ZNF541: variants seen among roughly 807,000 people sequenced by gnomAD.
ZNF541 encodes zinc finger protein 541.
Under a neutral mutation model 123.5 loss-of-function variants are expected in ZNF541, and 23 were observed. The observed-to-expected ratio is 0.19, with a 90% CI of 0.13 to 0.26. The LOEUF is 0.26. Among genes scored for constraint, ZNF541 ranks in the 10% least tolerant of loss-of-function variants. ZNF541 has a pLI of 1.00. For missense variants in ZNF541, 1,612 were observed against 1,789.9 expected (o/e 0.90, Z 1.79); for synonymous variants, 751 against 754.5 (o/e 1.00, Z 0.08).
chr19:47,545,562 G>T lies in ZNF541; in HGVS notation c.967C>A (p.Pro323Thr). The T allele has an allele frequency of 1.3e-6, 2 of 1,540,096 alleles. No homozygotes were observed. The highest frequency in any genetic ancestry group is 1.8e-6 in the Non-Finnish European group (2 of 1,140,170). ...TCCAGCGCTGCTGGGGCCGCGTGGG[G>T]GCCGGCTGGGGTGCAGGACGAGGAC... The part of the protein sequence containing the change: ...SGSSSCTPAG[P>T]HAAPAALDTE... The change falls in exon 5 of 17, where the codon CCC becomes ACC. Residue 323 changes from proline (P) to threonine (T), a missense_variant. Transcript: ENST00000391901. This position sits in a 1 kb window ranked among gnomAD's most constrained non-coding sequence, Gnocchi z 7.5.
intron 2 of ZNF541, among the ~76,000 whole-genome samples, chr19:47,559,836 CA>C (rs1438929520): frequency 1.6e-5 from 2 of 128,138 alleles, no homozygotes; most frequent in African/African-American, 6.1e-5. Context: ...GGTGACAGAG[CA>C]AGACTCTGTC....
intron 3 of ZNF541, among the ~76,000 whole-genome samples, chr19:47,553,593 G>T (rs1340832717): frequency 6.6e-6 from 1 of 151,846 alleles, no homozygotes; most frequent in East Asian, 1.9e-4. Flanking sequence ...ATTTTTAGTA[G>T]ACAGATTTCA....
At chr19:47,549,639 G>GGT (rs1245132304) in intron 3 of ZNF541, among the ~76,000 whole-genome samples, 154 bp from the exon 4 acceptor site, 1 of 152,182 alleles carries the variant, frequency 6.6e-6, no homozygotes. Context: ...TTCAGGAGCA[G>GGT]GTGAGGGGAA....
At chr19:47,531,117 G>A (rs1327794043) in intron 12 of ZNF541, among the ~76,000 whole-genome samples, 1 of 151,454 alleles carries the variant, frequency 6.6e-6, no homozygotes, top group Non-Finnish European at 1.5e-5. Context: ...TCAGGTTGGT[G>A]AAAAGCAAGA....
At chr19:47,523,339 T>TAA (rs75366644) in intron 14 of ZNF541, among the ~76,000 whole-genome samples, 5,663 of 105,618 alleles carry the variant, frequency 0.054, 526 homozygotes, top group African/African-American at 0.21. Context: ...GCGTCTCTTT[T>TAA]AAAAAAAAAA....
intron 5 of ZNF541, among the ~76,000 whole-genome samples, chr19:47,542,015 C>T (rs899550846): frequency 5.9e-5 from 9 of 152,294 alleles, no homozygotes; most frequent in African/African-American, 1.2e-4. Flanking sequence ...AAATAAAACG[C>T]GGCCTTATCC....
At chr19:47,572,335 TGAG>T (rs1392048041) in intron 1 of ZNF541, among the ~76,000 whole-genome samples, 1 of 151,836 alleles carries the variant, frequency 6.6e-6, no homozygotes, top group Non-Finnish European at 1.5e-5. Flanking sequence ...TGGGGGTAGG[TGAG>T]GAGGACTGGA....
intron 9 of ZNF541, among the ~76,000 whole-genome samples, chr19:47,537,157 T>G (rs1969858370): frequency 6.6e-6 from 1 of 152,146 alleles, no homozygotes; most frequent in East Asian, 1.9e-4. Flanking sequence ...GCTCTAAAAT[T>G]AAGACTATGT....
chr19:47,549,718 T>C (rs1970516304), intron 3 of ZNF541, among the ~76,000 whole-genome samples: 1 of 152,152 alleles, frequency 6.6e-6, no homozygotes, highest in Non-Finnish European at 1.5e-5. Flanking sequence ...ACTGAAGCCC[T>C]TCCAGAGCAG....
chr19:47,573,179 C>T (rs994688160), upstream of ZNF541, among the ~76,000 whole-genome samples: 8 of 149,810 alleles, frequency 5.3e-5, no homozygotes, highest in African/African-American at 1.9e-4. Flanking sequence ...GGCGCACGCG[C>T]AGCCCGGCCC....
Position 47,545,674 on chromosome 19 carries a change from C to G in ZNF541, c.855G>C (p.Gln285His). 1.3e-6 allele frequency: 2 copies of G among 1,549,082 alleles called. No homozygotes were observed. Among genetic ancestry groups the G allele is most frequent in the Non-Finnish European group, 1.7e-6 (2 of 1,146,792 alleles). ...LRRIVSSIVH[Q>H]KTPSPGPAPA... ...GGGCTGGGCCAGGAGAAGGGGTCTTCTGGTGGACGATGCTACTCACGATGC... is the reference window on the plus strand; with the variant it reads ...GGGCTGGGCCAGGAGAAGGGGTCTTGTGGTGGACGATGCTACTCACGATGC... The change falls in exon 5 of 17, where the codon CAG (glutamine) becomes CAC (histidine). Residue 285 changes from glutamine to histidine, a missense_variant. Physicochemically the swap from Gln to His is conservative, Grantham distance 24. This residue lies in a region of ZNF541 where 1,080 missense variants were observed against 1,013.8 expected (regional missense o/e 1.07). Transcript: ENST00000391901. This position sits in a 1 kb window ranked among gnomAD's most constrained non-coding sequence, Gnocchi z 7.5.
At chr19:47,549,085 G>A (rs1324244541) in intron 4 of ZNF541, among the ~76,000 whole-genome samples, 160 bp downstream of exon 4, 3 of 151,282 alleles carry the variant, frequency 2.0e-5, no homozygotes, top group African/African-American at 7.3e-5. Context: ...AAAAAGCATG[G>A]AGTGGCTGTG....
intron 11 of ZNF541, among the ~76,000 whole-genome samples, 174 bp from the exon 12 acceptor site, chr19:47,531,919 G>A (rs938561898): frequency 2.0e-5 from 3 of 152,162 alleles, no homozygotes; most frequent in Admixed American, 2.0e-4. Context: ...ACTCCTGATG[G>A]CCTGACCAGC....
chr19:47,573,165 C>A (rs1356014835), upstream of ZNF541, among the ~76,000 whole-genome samples: 1 of 149,626 alleles, frequency 6.7e-6, no homozygotes, highest in African/African-American at 2.4e-5. Flanking sequence ...CCCGCGCCGC[C>A]CGGGGCGCAC....
At position 47,532,893 on chromosome 19, in the gene ZNF541, A is replaced by C. The variant is rs1171127694; in HGVS notation, c.3158+16T>G. 1 of 1,549,034 alleles carries C rather than the reference A, an allele frequency of 6.5e-7. No individual in the cohort carries two copies. The highest frequency in any genetic ancestry group is 8.7e-7 in the Non-Finnish European group (1 of 1,145,622). On this transcript the variant is annotated intron_variant, in intron 10 of 16. Coordinates refer to ENST00000391901, the MANE Select transcript of ZNF541 (RefSeq NM_001277075.3). Reference sequence around the variant, plus strand: ...GGTGGGGTAAAAGCAGCTTCACTGGAAAGGACCCAACTTACGGCTCAATGC... The same window carrying C: ...GGTGGGGTAAAAGCAGCTTCACTGGCAAGGACCCAACTTACGGCTCAATGC...
At chr19:47,525,935 A>C (rs1052972846) in intron 14 of ZNF541, among the ~76,000 whole-genome samples, 3 of 151,698 alleles carry the variant, frequency 2.0e-5, no homozygotes, top group African/African-American at 2.4e-5. Context: ...AAAAAAAAAA[A>C]AAAAAACTTC....
At position 47,549,420 on chromosome 19, in the gene ZNF541, C is replaced by G. The variant is rs1226688622; in HGVS notation, c.373G>C (p.Ala125Pro). 6.4e-7 allele frequency: 1 copy of G among 1,551,726 alleles called. No homozygotes were observed. Among genetic ancestry groups the G allele is most frequent in the Admixed American group, 2.0e-5 (1 of 50,988 alleles). The stretch of plus-strand genomic sequence containing the variant: ...CTGTGCTGCCGCTTTCCTTTCCTGG[C>G]ACTCCCCGAGGTGGCCCTTCCTCCT... ...DEGGRATSGSARKGKRQHSSP... is the reference protein window; with the variant it reads ...DEGGRATSGSPRKGKRQHSSP... The change falls in exon 4 of 17, where the codon GCC becomes CCC. Residue 125 changes from alanine (A) to proline (P), a missense_variant. This residue lies in a region of ZNF541 where 212 missense variants were observed against 289.6 expected (regional missense o/e 0.73). Coordinates refer to ENST00000391901, the MANE Select transcript of ZNF541 (RefSeq NM_001277075.3).
Position 47,529,681 on chromosome 19 carries a change from A to G in ZNF541, c.3406-29T>C, listed in dbSNP as rs569733524. On this transcript the variant is annotated intron_variant, in intron 12 of 16. Coordinates refer to ENST00000391901, the MANE Select transcript of ZNF541 (RefSeq NM_001277075.3). Reference sequence around the variant, plus strand: ...GAACAAGAGGAGCGACAGGCTGCCCAGGACCAGGTGGGGGAAGAGGACCAC... The same window carrying G: ...GAACAAGAGGAGCGACAGGCTGCCCGGGACCAGGTGGGGGAAGAGGACCAC... 5 of 1,548,598 alleles carry G rather than the reference A, an allele frequency of 3.2e-6. No homozygotes were observed. The East Asian group carries it at 7.3e-5, about 23-fold the overall frequency.
Position 47,545,295 on chromosome 19 carries a change from T to C in ZNF541, c.1234A>G (p.Ser412Gly). 6.5e-7 allele frequency: 1 copy of C among 1,549,610 alleles called. No homozygotes were observed. The highest frequency in any genetic ancestry group is 8.7e-7 in the Non-Finnish European group (1 of 1,146,730). Residue 412 changes from serine to glycine, a missense_variant, in exon 5 of 17, where the codon AGC becomes GGC. Physicochemically the swap from Ser to Gly is moderately conservative, Grantham distance 56 (BLOSUM62 0). Around this residue, in one of 5 missense-constraint regions of ZNF541, gnomAD observed 1,080 missense variants for 1,013.8 expected, o/e 1.07. Transcript: ENST00000391901. The surrounding 1 kb of genome is among the most constrained non-coding windows in gnomAD (Gnocchi z 7.5). ...VPASSQPSSH[S>G]FQWLRNLPGC... The stretch of plus-strand genomic sequence containing the variant: ...GGCAGGTTCCGGAGCCACTGGAAGC[T>C]GTGGCTCGATGGCTGGGAACTGGCA...
Sources: gnomAD v4.1 joint callset for allele counts (sites outside exome capture counted in the v4.1 genomes callset) on GRCh38, gnomAD v4.1.1 for gene constraint, gnomAD v4.1.1 regional missense constraint, Gnocchi (gnomAD v3.1) non-coding constraint, MANE v1.5 for transcripts, NCBI Gene and HGNC (gene_info 2026-07-23, HGNC 2026-07-21) for gene names.